Variants in GZF1 observed in about 807,000 individuals in gnomAD.
GZF1 encodes the protein GDNF inducible zinc finger protein 1.
A neutral mutation model predicts 49.4 loss-of-function variants in GZF1; 28 were observed. That is an observed-to-expected ratio of 0.57 (90% CI 0.42 to 0.78). GZF1 has a LOEUF of 0.78. Among genes scored for constraint, GZF1 ranks in the 30% least tolerant of loss-of-function variants. The pLI, the probability that GZF1 is intolerant of heterozygous loss-of-function variation, is 0.00. For synonymous variants in GZF1, 364 were observed against 356.0 expected (o/e 1.02, Z -0.25); for missense variants, 798 against 916.2 (o/e 0.87, Z 1.67).
intron 4 of GZF1, 90 bp from the exon 5 acceptor site, chr20:23,369,494 G>C (rs1981810120): frequency 8.2e-7 from 1 of 1,216,884 alleles, no homozygotes. Flanking sequence ...CCAGTGGTTT[G>C]CAACAGCATC....
At chr20:23,368,737 G>T in intron 3 of GZF1, 25 bp from the exon 4 acceptor site, 2 of 1,585,504 alleles carry the variant, frequency 1.3e-6, no homozygotes, top group South Asian at 1.1e-5. Context: ...TATTGTTTAT[G>T]ACTTTATTTC....
Position 23,368,921 on chromosome 20 carries a change from T to C in GZF1, c.1619T>C (p.Val540Ala). The C allele has an allele frequency of 6.2e-7, 1 of 1,611,774 alleles. No individual in the cohort carries two copies. The highest frequency in any genetic ancestry group is 8.5e-7 in the Non-Finnish European group (1 of 1,179,014). The stretch of plus-strand genomic sequence containing the variant: ...AATTCACTGTACCAGCATATTAAAG[T>C]CCACACAGGTATGGTTGGAATGTCC... ...QRNSLYQHIK[V>A]HTGERPYCCD... The change falls in exon 4 of 6, where the codon GTC becomes GCC. Residue 540 changes from valine to alanine, a missense_variant. Val to Ala is a moderately conservative substitution (Grantham distance 64, BLOSUM62 0). Transcript: ENST00000338121.
intron 1 of GZF1, among the ~76,000 whole-genome samples, chr20:23,363,732 T>A (rs1328987655): frequency 6.6e-6 from 1 of 152,240 alleles, no homozygotes; most frequent in Non-Finnish European, 1.5e-5. Context: ...TCAGAGAAGT[T>A]GCTTGCTCAA....
chr20:23,369,171 A>G (rs1348683735), intron 4 of GZF1, among the ~76,000 whole-genome samples: 1 of 152,242 alleles, frequency 6.6e-6, no homozygotes, highest in Non-Finnish European at 1.5e-5. Flanking sequence ...TTTTTACTGA[A>G]AAGGACAGAC....
At position 23,371,305 on chromosome 20, in the gene GZF1, CTG is replaced by C. The variant is rs1342797827; in HGVS notation, c.*867_*868del. On this transcript the variant is annotated 3_prime_UTR_variant, in exon 6 of 6. Coordinates refer to ENST00000338121, the MANE Select transcript of GZF1 (RefSeq NM_022482.5). Reference sequence around the variant, plus strand: ...TCATTTTATTTGCAAAATGAGGTGACTGTGGCAAATTATAGAACACAGAGTAT... The same window carrying C: ...TCATTTTATTTGCAAAATGAGGTGACTGGCAAATTATAGAACACAGAGTAT... 1.3e-5 allele frequency: 2 copies of C among 152,662 alleles called. No homozygotes were observed. Among genetic ancestry groups the C allele is most frequent in the East Asian group, 1.9e-4 (1 of 5,186 alleles). The allele number at this position is 152,662 out of a possible 1,614,324, so 9.5% of individuals were successfully genotyped here.
Position 23,372,563 on chromosome 20 carries a change from G to A in GZF1, c.*2122G>A, listed in dbSNP as rs1344365206. 6.6e-6 allele frequency: 1 copy of A among 152,142 alleles called. No homozygotes were observed. Among genetic ancestry groups the A allele is most frequent in the Admixed American group, 6.5e-5 (1 of 15,284 alleles). 9.4% of individuals were successfully genotyped at this position (152,142 alleles called of 1,614,324 possible). ...TGTAAAAAGTAGGCATCAAAGATACGACTTCTACTATATACATTTCTCTGT... is the reference window on the plus strand; with the variant it reads ...TGTAAAAAGTAGGCATCAAAGATACAACTTCTACTATATACATTTCTCTGT... On this transcript the variant is annotated 3_prime_UTR_variant, in exon 6 of 6. Coordinates refer to ENST00000338121, the MANE Select transcript of GZF1 (RefSeq NM_022482.5).
chr20:23,366,923 TGCAGGATAGAG>T, intron 2 of GZF1, 69 bp from the exon 3 acceptor site: 1 of 965,888 alleles, frequency 1.0e-6, no homozygotes, highest in Admixed American at 1.8e-5. Context: ...AAACGATTTT[TGCAGGATAGAG>T]TGGAAATTGT....
rs889688504 is a variant in GZF1, at chr20:23,365,168, A to G, written c.785A>G (p.Gln262Arg). ...GATGTGGGGGACTACAGGTGTCCCCAGGACCAAAGCCCGGACAGGGTGGGC... is the reference window on the plus strand; with the variant it reads ...GATGTGGGGGACTACAGGTGTCCCCGGGACCAAAGCCCGGACAGGGTGGGC... The part of the protein sequence containing the change: ...EGDVGDYRCP[Q>R]DQSPDRVGTE... The change falls in exon 2 of 6, where the codon CAG becomes CGG. Residue 262 changes from glutamine (Q) to arginine (R), a missense_variant. Gln to Arg is a conservative substitution (Grantham distance 43). Around this residue, in one of 3 missense-constraint regions of GZF1, gnomAD observed 247 missense variants for 228.5 expected, o/e 1.08. Transcript: ENST00000338121. 3 of 1,612,756 alleles carry G rather than the reference A, an allele frequency of 1.9e-6. No homozygotes were observed. The highest frequency in any genetic ancestry group is 1.7e-6 in the Non-Finnish European group (2 of 1,179,446).
chr20:23,363,953 G>A (rs6137908), intron 1 of GZF1, among the ~76,000 whole-genome samples: 37,833 of 152,114 alleles, frequency 0.25, 5,398 homozygotes, highest in Middle Eastern at 0.36. Flanking sequence ...CCCAGATGGT[G>A]GTGGCTATGT....
chr20:23,367,248 A>T, intron 3 of GZF1, 151 bp downstream of exon 3: 1 of 622,738 alleles, frequency 1.6e-6, no homozygotes, highest in Non-Finnish European at 2.9e-6. Context: ...ATGAATAAAC[A>T]TACACCCATT....
upstream of GZF1, among the ~76,000 whole-genome samples, chr20:23,361,832 C>T (rs1263287812): frequency 6.6e-6 from 1 of 152,216 alleles, no homozygotes; most frequent in Non-Finnish European, 1.5e-5. Context: ...CGGCCAGAAG[C>T]CCGGAATGGA....
chr20:23,367,853 C>T (rs1981578718), intron 3 of GZF1, among the ~76,000 whole-genome samples: 1 of 152,170 alleles, frequency 6.6e-6, no homozygotes, highest in South Asian at 2.1e-4. Context: ...CTGAAGTGTT[C>T]CAATTCTTCT....
chr20:23,366,442 T>A (rs1175085900), intron 2 of GZF1, among the ~76,000 whole-genome samples: 2 of 151,690 alleles, frequency 1.3e-5, no homozygotes, highest in African/African-American at 2.4e-5. Flanking sequence ...AAATACTTGG[T>A]TTAGGAAGTG....
chr20:23,361,911 T>G (rs756630038), upstream of GZF1, among the ~76,000 whole-genome samples: 2 of 152,204 alleles, frequency 1.3e-5, no homozygotes, highest in Non-Finnish European at 1.5e-5. Flanking sequence ...CCCTGTGGCG[T>G]GCCGCAGCGC....
rs1473878867 is a variant in GZF1 at position 23,365,318 on chromosome 20, A to C, written c.935A>C (p.Lys312Thr). Residue 312 changes from lysine to threonine, a missense_variant, in exon 2 of 6, where the codon AAG (lysine) becomes ACG (threonine). Around this residue, in one of 3 missense-constraint regions of GZF1, gnomAD observed 247 missense variants for 228.5 expected, o/e 1.08. Transcript: ENST00000338121. Reference protein sequence around the residue: ...EEEEEDEEGEKKKSNFKCSIC... With the variant: ...EEEEEDEEGETKKSNFKCSIC... Reference sequence around the variant, plus strand: ...GAGGAGGAGGACGAAGAAGGGGAGAAGAAGAAGAGCAACTTTAAGTGCAGC... The same window carrying C: ...GAGGAGGAGGACGAAGAAGGGGAGACGAAGAAGAGCAACTTTAAGTGCAGC... The C allele has an allele frequency of 6.2e-7, 1 of 1,608,206 alleles. No individual in the cohort carries two copies. Among genetic ancestry groups the C allele is most frequent in the Non-Finnish European group, 8.5e-7 (1 of 1,176,280 alleles).
chr20:23,363,803 C>T (rs536085533), intron 1 of GZF1, among the ~76,000 whole-genome samples: 2 of 152,312 alleles, frequency 1.3e-5, no homozygotes, highest in South Asian at 4.1e-4. Context: ...AACAATAATT[C>T]AAATTCTGAG....
At position 23,371,521 on chromosome 20, in the gene GZF1, G is replaced by T. The variant is rs1982073397; in HGVS notation, c.*1080G>T. ...ACCTCCGATTATGCCTTAAAGAGTT[G>T]ATTGTGAAGAACCAGTAACTTTGTC... is the stretch of plus-strand genomic sequence containing the variant. On this transcript the variant is annotated 3_prime_UTR_variant, in exon 6 of 6. Coordinates refer to ENST00000338121, the MANE Select transcript of GZF1 (RefSeq NM_022482.5). The T allele has an allele frequency of 6.6e-6, 1 of 152,644 alleles. No individual in the cohort carries two copies. The highest frequency in any genetic ancestry group is 6.5e-5 in the Admixed American group (1 of 15,284). 9.5% of individuals were successfully genotyped at this position (152,644 alleles called of 1,614,324 possible).
Position 23,364,561 on chromosome 20 carries a change from T to C in GZF1, c.178T>C (p.Phe60Leu). The C allele has an allele frequency of 6.2e-7, 1 of 1,614,244 alleles. No individual in the cohort carries two copies. Among genetic ancestry groups the C allele is most frequent in the South Asian group, 1.1e-5 (1 of 91,082 alleles). ...AGTGCTGGCTGCCACCAGCAAGTTT[T>C]TTAAGGAAGTGTTCCTTAATGAGAA... ...KAVLAATSKF[F>L]KEVFLNEKSV... The change falls in exon 2 of 6, where the codon TTT (phenylalanine) becomes CTT (leucine). Residue 60 changes from phenylalanine (F) to leucine (L), a missense_variant. Coordinates refer to ENST00000338121, the MANE Select transcript of GZF1 (RefSeq NM_022482.5).
In GZF1 at chr20:23,369,865, T is replaced by C. The variant is rs534800929; in HGVS notation, c.1785+124T>C. 2.7e-5 allele frequency: 30 copies of C among 1,129,342 alleles called. 1 individual carries two copies. The South Asian group carries it at 2.8e-4, about 11-fold the overall frequency. The allele number at this position is 1,129,342 out of a possible 1,614,324, so 70.0% of individuals were successfully genotyped here. On this transcript the variant is annotated intron_variant, in intron 5 of 5. Coordinates refer to ENST00000338121, the MANE Select transcript of GZF1 (RefSeq NM_022482.5). Reference sequence around the variant, plus strand: ...AGACAACAGGTACTTTCTCCTTGGGTTGTCTCTGCAGTGGAACGCTCACGG... The same window carrying C: ...AGACAACAGGTACTTTCTCCTTGGGCTGTCTCTGCAGTGGAACGCTCACGG...
Sources: allele counts gnomAD v4.1 joint callset (sites outside exome capture counted in the v4.1 genomes callset), GRCh38; gene constraint gnomAD v4.1.1; regional missense constraint gnomAD v4.1.1; transcripts MANE v1.5; gene names NCBI Gene and HGNC (gene_info 2026-07-23, HGNC 2026-07-21).